Variants in CHRM2 observed in about 807,000 individuals in gnomAD.
CHRM2 encodes the protein muscarinic acetylcholine receptor M2.
In CHRM2, 8 loss-of-function variants were observed where a neutral mutation model predicts 25.0. The ratio of observed to expected loss-of-function variants is 0.32; its 90% confidence interval spans 0.19 to 0.58. The LOEUF is 0.58. Among genes scored for constraint, CHRM2 ranks in the 20% least tolerant of loss-of-function variants. The pLI, the probability that CHRM2 is intolerant of heterozygous loss-of-function variation, is 0.88. For missense variants in CHRM2, 440 were observed against 567.1 expected (o/e 0.78, Z 2.28); for synonymous variants, 202 against 205.7 (o/e 0.98, Z 0.15).
At chr7:136,918,381 C>T (rs1798239226) in intron 2 of CHRM2, among the ~76,000 whole-genome samples, 1 of 151,944 alleles carries the variant, frequency 6.6e-6, no homozygotes. Flanking sequence ...TTCATCTTTT[C>T]ATAATAAAGA....
intron 3 of CHRM2, among the ~76,000 whole-genome samples, chr7:137,011,176 C>A (rs544096663): frequency 1.4e-5 from 2 of 142,738 alleles, no homozygotes; most frequent in African/African-American, 2.8e-5. Flanking sequence ...GAGACAGAAC[C>A]AATAGGATAT....
At chr7:136,882,562 T>C (rs1466479200) in intron 2 of CHRM2, among the ~76,000 whole-genome samples, 2 of 152,098 alleles carry the variant, frequency 1.3e-5, no homozygotes, top group Non-Finnish European at 2.9e-5. Context: ...GAGTTCCAAG[T>C]TTCCTACTAC....
chr7:136,893,486 A>T (rs1796774510), intron 2 of CHRM2, among the ~76,000 whole-genome samples: 1 of 152,206 alleles, frequency 6.6e-6, no homozygotes, highest in African/African-American at 2.4e-5. Context: ...AGGCCACTGA[A>T]TCAGCCTCTG....
chr7:136,944,239 C>A (rs752839837), intron 2 of CHRM2, among the ~76,000 whole-genome samples: 9 of 151,964 alleles, frequency 5.9e-5, no homozygotes, highest in Non-Finnish European at 1.2e-4. Flanking sequence ...TTCCTCACCC[C>A]CTCCCATCCT....
At chr7:136,938,233 A>C in intron 2 of CHRM2, 1 of 784,380 alleles carries the variant, frequency 1.3e-6, no homozygotes, top group Non-Finnish European at 2.3e-6. Flanking sequence ...TTGTTACTGA[A>C]TCTTTAGCTA....
intron 2 of CHRM2, among the ~76,000 whole-genome samples, chr7:136,959,284 C>T (rs1800919710): frequency 6.6e-6 from 1 of 152,164 alleles, no homozygotes; most frequent in Admixed American, 6.5e-5. Context: ...AAATGTAACT[C>T]AGAGTATGAA....
At chr7:136,873,118 A>T (rs1795904717) in intron 2 of CHRM2, among the ~76,000 whole-genome samples, 1 of 152,210 alleles carries the variant, frequency 6.6e-6, no homozygotes, top group Non-Finnish European at 1.5e-5. Context: ...AGAGACTCCT[A>T]TGTATCGAAA....
At chr7:137,001,950 C>T (rs1804063105) in intron 3 of CHRM2, among the ~76,000 whole-genome samples, 1 of 152,124 alleles carries the variant, frequency 6.6e-6, no homozygotes, top group Non-Finnish European at 1.5e-5. Context: ...CCATCTCCTA[C>T]ATCCTACACT....
intron 2 of CHRM2, among the ~76,000 whole-genome samples, chr7:136,952,746 C>T (rs1478912893): frequency 2.6e-5 from 4 of 152,046 alleles, no homozygotes; most frequent in Non-Finnish European, 4.4e-5. Flanking sequence ...CAATAGGCCC[C>T]CGTATATGTT....
chr7:136,992,480 C>T (rs1803293313), intron 3 of CHRM2, among the ~76,000 whole-genome samples: 1 of 152,156 alleles, frequency 6.6e-6, no homozygotes, highest in Non-Finnish European at 1.5e-5. Context: ...CAGGGACAAA[C>T]TATTCACTAA....
intron 2 of CHRM2, among the ~76,000 whole-genome samples, chr7:136,966,479 T>G (rs1433537072): frequency 6.6e-6 from 1 of 151,948 alleles, no homozygotes; most frequent in Non-Finnish European, 1.5e-5. Flanking sequence ...TTTTTAAGAT[T>G]CCTTTGAATA....
intron 2 of CHRM2, among the ~76,000 whole-genome samples, chr7:136,920,172 G>GT (rs1798350279): frequency 6.6e-6 from 1 of 152,046 alleles, no homozygotes; most frequent in African/African-American, 2.4e-5. Context: ...TGATTTTCAG[G>GT]TTTTTTCATC....
rs566483708 is a variant in CHRM2, at chr7:136,917,943, C to T, written c.-125+48525C>T. Among the ~76,000 whole-genome samples, 6 of 152,112 alleles carry T rather than the reference C, an allele frequency of 3.9e-5. No individual in the cohort carries two copies. The South Asian group carries it at 8.3e-4, about 21-fold the overall frequency. On this transcript the variant is annotated intron_variant, in intron 2 of 3. Coordinates refer to ENST00000680005, the MANE Select transcript of CHRM2 (RefSeq NM_001006630.2). ...TGCATAATGTACCTAATGAACAATC[C>T]ATCATGGAGCAGACATGATCAACTT...
At chr7:136,996,858 T>C (rs1018345137) in intron 3 of CHRM2, among the ~76,000 whole-genome samples, 1 of 152,240 alleles carries the variant, frequency 6.6e-6, no homozygotes, top group Non-Finnish European at 1.5e-5. Flanking sequence ...AGGCCAAAGC[T>C]GTCCACAAAC....
chr7:136,945,184 G>A (rs946641732), intron 2 of CHRM2, among the ~76,000 whole-genome samples: 2 of 151,824 alleles, frequency 1.3e-5, no homozygotes, highest in Non-Finnish European at 2.9e-5. Flanking sequence ...TGGGTTGTCT[G>A]TTTACTCAGC....
rs948971128 is a variant in CHRM2 at position 137,017,098 on chromosome 7, G to A, written c.*832G>A. The A allele has an allele frequency of 6.5e-5, 10 of 153,810 alleles. No individual in the cohort carries two copies. Among genetic ancestry groups the A allele is most frequent in the African/African-American group, 9.7e-5 (4 of 41,380 alleles). 9.5% of individuals were successfully genotyped at this position (153,810 alleles called of 1,614,324 possible). A position where few individuals can be genotyped will look rare whatever the true frequency, so the allele number is the denominator to read the frequency against. On this transcript the variant is annotated 3_prime_UTR_variant, in exon 4 of 4. Transcript: ENST00000680005. ...TTAGTGCACTTATAATCCTATATGCGAAATGTTTAAACCAATCTGATTTTC... is the reference window on the plus strand; with the variant it reads ...TTAGTGCACTTATAATCCTATATGCAAAATGTTTAAACCAATCTGATTTTC...
chr7:136,925,579 A>T (rs1798699653), intron 2 of CHRM2, among the ~76,000 whole-genome samples: 1 of 152,110 alleles, frequency 6.6e-6, no homozygotes, highest in East Asian at 1.9e-4. Context: ...ATAGAAAATA[A>T]GGGGTGTTTT....
intron 2 of CHRM2, among the ~76,000 whole-genome samples, chr7:136,951,917 C>T (rs1800435764): frequency 6.6e-6 from 1 of 152,142 alleles, no homozygotes; most frequent in South Asian, 2.1e-4. Flanking sequence ...TTTTCTCTCT[C>T]TTCTTTCTTC....
At chr7:136,971,209 A>G (rs765745884) in intron 2 of CHRM2, among the ~76,000 whole-genome samples, 1 of 152,220 alleles carries the variant, frequency 6.6e-6, no homozygotes, top group African/African-American at 2.4e-5. Flanking sequence ...GAAAGCATAT[A>G]GAAGCTAAAA....
Sources: gnomAD v4.1 joint callset for allele counts (sites outside exome capture counted in the v4.1 genomes callset) on GRCh38, gnomAD v4.1.1 for gene constraint, MANE v1.5 for transcripts, NCBI Gene and HGNC (gene_info 2026-07-23, HGNC 2026-07-21) for gene names.